The following TJP1 variants were observed in gnomAD, a reference collection of about 807,000 sequenced individuals.
TJP1 encodes the protein tight junction protein ZO-1.
Under a neutral mutation model 194.2 loss-of-function variants are expected in TJP1, and 43 were observed. The ratio of observed to expected loss-of-function variants is 0.22; its 90% CI spans 0.17 to 0.29. TJP1 has a LOEUF of 0.29. TJP1 is among the 10% of genes least tolerant of loss of function. The pLI, the probability that TJP1 is intolerant of heterozygous loss-of-function variation, is 1.00. For missense variants in TJP1, 1,971 were observed against 2,185.7 expected (o/e 0.90, Z 1.96); for synonymous variants, 801 against 779.0 (o/e 1.03, Z -0.47).
intron 23 of TJP1, among the ~76,000 whole-genome samples, chr15:29,713,512 G>A (rs1216078896): frequency 6.6e-6 from 1 of 152,192 alleles, no homozygotes; most frequent in African/African-American, 2.4e-5. Flanking sequence ...TGAAGCATAA[G>A]CACACATCAT....
intron 8 of TJP1, chr15:29,760,185 G>T (rs575794123): frequency 1.4e-6 from 1 of 701,948 alleles, no homozygotes; most frequent in African/African-American, 1.7e-5. Flanking sequence ...GGGTCAGGTG[G>T]TGGCCTATAG....
At chr15:29,908,668 A>G (rs1381665215) in intron 2 of TJP1, among the ~76,000 whole-genome samples, 3 of 149,404 alleles carry the variant, frequency 2.0e-5, no homozygotes, top group Non-Finnish European at 3.0e-5. Context: ...TCCCTTTGAT[A>G]CGACCTGAGA....
intron 1 of TJP1, among the ~76,000 whole-genome samples, chr15:29,808,072 A>G (rs913307254): frequency 1.3e-5 from 2 of 152,170 alleles, no homozygotes; most frequent in Admixed American, 6.5e-5. Context: ...GTTCAAGATC[A>G]GCCTGGCCAA....
At chr15:29,824,791 CTTAT>C (rs2050629234), upstream of TJP1, among the ~76,000 whole-genome samples, 1 of 152,096 alleles carries the variant, frequency 6.6e-6, no homozygotes, top group East Asian at 1.9e-4. Context: ...TTCACTTTTC[CTTAT>C]TTGTCACTTT....
chr15:29,950,099 T>A (rs62649081), intron 2 of TJP1, among the ~76,000 whole-genome samples: 6 of 4,016 alleles, frequency 1.5e-3, no homozygotes, highest in South Asian at 9.4e-3. Flanking sequence ...CACCACCACC[T>A]CCACCACCAC....
In TJP1 at chr15:29,833,875, ATATATATTT is replaced by A. The variant is rs1255178012; in HGVS notation, c.307-33182_307-33174del. ...TTTGTAAGTATATATATATATATAT[ATATATATTT>A]TTTTTTTTTTTTTTTTTGAGACGGA... On this transcript the variant is annotated intron_variant, in intron 2 of 28. Transcript: ENST00000356107. Among the ~76,000 whole-genome samples, 68 of 16,542 alleles carry A rather than the reference ATATATATTT, an allele frequency of 4.1e-3. 1 individual carries two copies. Among genetic ancestry groups the A allele is most frequent in the Middle Eastern group, 0.033 (1 of 30 alleles). 10.9% of individuals were successfully genotyped at this position (16,542 alleles called of 152,430 possible).
chr15:29,811,676 A>G (rs1012955505), intron 1 of TJP1, among the ~76,000 whole-genome samples: 2 of 152,218 alleles, frequency 1.3e-5, no homozygotes, highest in Non-Finnish European at 2.9e-5. Flanking sequence ...AATTTTTTCA[A>G]AAGTATCTCA....
chr15:29,916,898 C>A (rs2054204441), intron 2 of TJP1, among the ~76,000 whole-genome samples: 2 of 152,100 alleles, frequency 1.3e-5, no homozygotes, highest in Non-Finnish European at 2.9e-5. Flanking sequence ...CCTTTCAAGC[C>A]CTACCCTTAA....
chr15:29,850,549 C>A (rs1329845063), intron 2 of TJP1, among the ~76,000 whole-genome samples: 2 of 152,178 alleles, frequency 1.3e-5, no homozygotes, highest in South Asian at 2.1e-4. Flanking sequence ...GTTGGCCAGG[C>A]TGGTCTTGAA....
Position 29,831,542 on chromosome 15 carries a change from G to A in TJP1, c.307-30840C>T, listed in dbSNP as rs554493698. 2.0e-5 allele frequency among the ~76,000 whole-genome samples: 3 copies of A among 152,126 alleles called. No homozygotes were observed. The South Asian group carries it at 6.2e-4, about 32-fold the overall frequency. On this transcript the variant is annotated intron_variant, in intron 2 of 28. Coordinates refer to the TJP1 transcript ENST00000356107. ...CAAGCTTTACAGACGGATGTGGGAG[G>A]GCCTATATAGGAAAAGAGACCCCAT...
chr15:29,779,213 C>T (rs1025995648), intron 2 of TJP1, among the ~76,000 whole-genome samples: 11 of 152,160 alleles, frequency 7.2e-5, no homozygotes, highest in African/African-American at 2.7e-4. Context: ...TGCATGAATG[C>T]CCAAAGAGAG....
chr15:29,750,431 G>A (rs563716149), intron 8 of TJP1, among the ~76,000 whole-genome samples: 2 of 152,270 alleles, frequency 1.3e-5, no homozygotes, highest in East Asian at 1.9e-4. Flanking sequence ...GAGCCACTGC[G>A]CCCAGCCCTA....
chr15:29,740,778 TGCTAACTACCCTA>T (rs2044360677), intron 10 of TJP1, among the ~76,000 whole-genome samples: 1 of 152,186 alleles, frequency 6.6e-6, no homozygotes, highest in African/African-American at 2.4e-5. Flanking sequence ...ACTTTTGGGT[TGCTAACTACCCTA>T]GAACAGGTTC....
At chr15:29,729,957 G>C (rs2043511860) in intron 15 of TJP1, among the ~76,000 whole-genome samples, 1 of 152,018 alleles carries the variant, frequency 6.6e-6, no homozygotes, top group Non-Finnish European at 1.5e-5. Flanking sequence ...AAATCCTTTG[G>C]GAAACAAAGC....
intron 2 of TJP1, among the ~76,000 whole-genome samples, chr15:29,776,230 A>G (rs887587077): frequency 6.6e-6 from 1 of 152,210 alleles, no homozygotes; most frequent in African/African-American, 2.4e-5. Context: ...ATTAGTAGGA[A>G]ATCCACTGGC....
intron 2 of TJP1, among the ~76,000 whole-genome samples, chr15:29,894,198 C>G (rs2053404836): frequency 1.3e-5 from 2 of 152,178 alleles, no homozygotes; most frequent in Non-Finnish European, 2.9e-5. Context: ...GTGGCTCACG[C>G]CTGTAATCCC....
intron 22 of TJP1, among the ~76,000 whole-genome samples, chr15:29,717,528 A>G (rs967881245): frequency 6.2e-5 from 1 of 16,202 alleles, no homozygotes; most frequent in Non-Finnish European, 3.7e-4. Context: ...CTTGTAAGCT[A>G]CTTGCCCCTC....
intron 11 of TJP1, among the ~76,000 whole-genome samples, chr15:29,736,036 A>G (rs1426456768): frequency 6.6e-6 from 1 of 152,214 alleles, no homozygotes; most frequent in African/African-American, 2.4e-5. Context: ...GAGGCAGGAA[A>G]AGAATAAAAA....
chr15:29,966,532 T>TAATAAAA (rs2056339160), intron 1 of TJP1, among the ~76,000 whole-genome samples: 3 of 152,110 alleles, frequency 2.0e-5, no homozygotes, highest in East Asian at 1.9e-4. Context: ...AAATAATAAA[T>TAATAAAA]AATTTTAAAC....
Sources: gnomAD v4.1 joint callset for allele counts (sites outside exome capture counted in the v4.1 genomes callset) on GRCh38, gnomAD v4.1.1 for gene constraint, MANE v1.5 for transcripts, NCBI Gene and HGNC (gene_info 2026-07-23, HGNC 2026-07-21) for gene names.